RPS6KA5: variants seen among roughly 807,000 people sequenced by gnomAD.
RPS6KA5 encodes the protein ribosomal protein S6 kinase A5, also known as ribosomal protein S6 kinase alpha-5.
A neutral mutation model predicts 85.5 loss-of-function variants in RPS6KA5; 27 were observed. That is an observed-to-expected ratio of 0.32 (90% CI 0.23 to 0.44). The LOEUF (loss-of-function observed/expected upper bound fraction) is 0.44, where lower values mean the gene tolerates loss of function less well. Ranked by LOEUF, RPS6KA5 falls within the 20% of genes least tolerant of loss-of-function variation. The pLI is 1.00. For missense variants in RPS6KA5, 811 were observed against 980.9 expected, an observed-to-expected ratio of 0.83 and a Z score of 2.31; for synonymous variants, 334 against 348.2, an observed-to-expected ratio of 0.96 and a Z score of 0.46.
chr14:91,029,095 T>C (rs1379270902), intron 1 of RPS6KA5, among the ~76,000 whole-genome samples: 2 of 152,178 alleles, frequency 1.3e-5, no homozygotes, highest in African/African-American at 4.8e-5. Flanking sequence ...TTGATAAACA[T>C]AAACATTAAA....
intron 1 of RPS6KA5, among the ~76,000 whole-genome samples, chr14:91,012,175 T>C (rs73326596): frequency 0.15 from 22,734 of 152,162 alleles, 1,845 homozygotes; most frequent in East Asian, 0.31. Context: ...AAGTTCCTAC[T>C]TTTGGCAAAG....
rs1043461419 is a variant in RPS6KA5, at chr14:90,870,052, A to G, written c.*2022T>C. ...ATTTCCAATATTCACAATGAAATCAATCACATCATCAATCTGTATACTGTC... is the reference window on the plus strand; with the variant it reads ...ATTTCCAATATTCACAATGAAATCAGTCACATCATCAATCTGTATACTGTC... On this transcript the variant is annotated 3_prime_UTR_variant, in exon 17 of 17. Coordinates refer to ENST00000614987, the MANE Select transcript of RPS6KA5 (RefSeq NM_004755.4). 5.3e-5 allele frequency: 8 copies of G among 152,242 alleles called. No individual in the cohort carries two copies. The highest frequency in any genetic ancestry group is 1.9e-4 in the African/African-American group (8 of 41,466). The allele number at this position is 152,242 out of a possible 1,614,324, so 9.4% of individuals were successfully genotyped here.
chr14:90,981,935 T>C (rs1350862952), intron 2 of RPS6KA5, among the ~76,000 whole-genome samples: 2 of 152,210 alleles, frequency 1.3e-5, no homozygotes, highest in Admixed American at 1.3e-4. Flanking sequence ...CATTGCCAAA[T>C]GGGAAGAAAA....
At chr14:91,027,461 G>A (rs1447875512) in intron 1 of RPS6KA5, among the ~76,000 whole-genome samples, 1 of 151,942 alleles carries the variant, frequency 6.6e-6, no homozygotes, top group African/African-American at 2.4e-5. Context: ...CTGTTCTATT[G>A]GTTTATGTGT....
At chr14:90,890,207 T>G (rs2034473611) in intron 14 of RPS6KA5, among the ~76,000 whole-genome samples, 1 of 152,186 alleles carries the variant, frequency 6.6e-6, no homozygotes, top group Admixed American at 6.5e-5. Flanking sequence ...ATAATATGTG[T>G]CTTTAAAAAT....
At chr14:90,919,092 T>G (rs1240875814) in intron 7 of RPS6KA5, among the ~76,000 whole-genome samples, 1 of 152,192 alleles carries the variant, frequency 6.6e-6, no homozygotes, top group Non-Finnish European at 1.5e-5. Flanking sequence ...TTACCAACAC[T>G]CAATTGAATA....
Position 90,994,858 on chromosome 14 carries a change from C to T in RPS6KA5, c.175+6230G>A, listed in dbSNP as rs927916991. On this transcript the variant is annotated intron_variant, in intron 2 of 16. Transcript: ENST00000614987. The stretch of plus-strand genomic sequence containing the variant: ...AAGTGCTGGGATTACAGGCGTGAGC[C>T]ACCGCACACGGCTGGTGTTTGTAAT... Among the ~76,000 whole-genome samples, 10 of 151,920 alleles carry T rather than the reference C, an allele frequency of 6.6e-5. 1 individual carries two copies. The highest frequency in any genetic ancestry group is 4.6e-4 in the Admixed American group (7 of 15,248).
intron 14 of RPS6KA5, among the ~76,000 whole-genome samples, chr14:90,881,197 TC>T (rs1326890458): frequency 2.6e-5 from 4 of 151,646 alleles, no homozygotes; most frequent in Non-Finnish European, 5.9e-5. Context: ...ATGCCTGTAA[TC>T]CCAGCACTTT....
chr14:90,966,958 A>G (rs1393804869), intron 3 of RPS6KA5, among the ~76,000 whole-genome samples: 3 of 152,230 alleles, frequency 2.0e-5, no homozygotes, highest in Non-Finnish European at 4.4e-5. Flanking sequence ...TAAATTCAGG[A>G]TAAGTCTTCA....
intron 5 of RPS6KA5, among the ~76,000 whole-genome samples, chr14:90,934,948 C>T (rs1001895777): frequency 6.6e-6 from 1 of 152,190 alleles, no homozygotes; most frequent in Non-Finnish European, 1.5e-5. Context: ...ATTTTCCCAA[C>T]ACCTCCAACT....
chr14:90,947,539 C>T lies in RPS6KA5; in HGVS notation c.406G>A (p.Gly136Ser), dbSNP rs1252512273. The T allele has an allele frequency of 6.4e-7, 1 of 1,569,050 alleles. No individual in the cohort carries two copies. Among genetic ancestry groups the T allele is most frequent in the Non-Finnish European group, 8.8e-7 (1 of 1,141,620 alleles). Residue 136 changes from glycine to serine, a missense_variant, in exon 4 of 17, where the codon GGT (glycine) becomes AGT (serine). Physicochemically the swap from Gly to Ser is moderately conservative, Grantham distance 56 (BLOSUM62 0). Coordinates refer to ENST00000614987, the MANE Select transcript of RPS6KA5 (RefSeq NM_004755.4). Reference protein sequence around the residue: ...KLHLILDYINGGELFTHLSQR... With the variant: ...KLHLILDYINSGELFTHLSQR... The stretch of plus-strand genomic sequence containing the variant: ...GAAAGATGAGTAAAAAGTTCACCAC[C>T]ATTTATATAATCTAAAAATGAAATA...
intron 5 of RPS6KA5, among the ~76,000 whole-genome samples, chr14:90,932,031 C>T (rs921354471): frequency 1.3e-5 from 2 of 152,358 alleles, no homozygotes; most frequent in South Asian, 2.1e-4. Context: ...TAATCCACCA[C>T]ATACTCTTTA....
chr14:90,896,056 C>T (rs1306978468), intron 12 of RPS6KA5, among the ~76,000 whole-genome samples: 1 of 152,168 alleles, frequency 6.6e-6, no homozygotes, highest in Non-Finnish European at 1.5e-5. Flanking sequence ...TAAACTGCTT[C>T]ATAAAAAAGA....
At chr14:90,973,257 A>G (rs2039405560) in intron 3 of RPS6KA5, among the ~76,000 whole-genome samples, 1 of 152,170 alleles carries the variant, frequency 6.6e-6, no homozygotes, top group African/African-American at 2.4e-5. Context: ...CCTAGCCAAC[A>G]TGGTGAAACC....
intron 1 of RPS6KA5, among the ~76,000 whole-genome samples, chr14:91,027,881 T>C (rs942148770): frequency 4.6e-5 from 7 of 152,210 alleles, no homozygotes; most frequent in Admixed American, 4.6e-4. Flanking sequence ...CAAATGGGCC[T>C]ATCTTGTGTC....
chr14:91,043,559 G>T (rs762551980), intron 1 of RPS6KA5, among the ~76,000 whole-genome samples: 7 of 152,316 alleles, frequency 4.6e-5, no homozygotes, highest in South Asian at 2.1e-4. Context: ...ATTGGAAGAA[G>T]AATAATAATA....
intron 1 of RPS6KA5, among the ~76,000 whole-genome samples, chr14:91,035,774 A>G (rs1448307477): frequency 6.6e-6 from 1 of 151,334 alleles, no homozygotes; most frequent in Non-Finnish European, 1.5e-5. Context: ...CCAAACAGAG[A>G]CACAGAAAAC....
intron 2 of RPS6KA5, among the ~76,000 whole-genome samples, chr14:90,998,007 GA>G (rs58227226): frequency 1.8e-3 from 109 of 59,898 alleles, no homozygotes; most frequent in African/African-American, 4.0e-3. Flanking sequence ...GACTCTGTCT[GA>G]AAAAAAAAAA....
intron 13 of RPS6KA5, among the ~76,000 whole-genome samples, chr14:90,891,115 A>T (rs2140195791): frequency 6.6e-6 from 1 of 151,872 alleles, no homozygotes; most frequent in South Asian, 2.1e-4. Flanking sequence ...TTGCTAGCTT[A>T]ATGTCTTCAT....
Sources: allele counts gnomAD v4.1 joint callset (sites outside exome capture counted in the v4.1 genomes callset), GRCh38; gene constraint gnomAD v4.1.1; transcripts MANE v1.5; gene names NCBI Gene and HGNC (gene_info 2026-07-23, HGNC 2026-07-21).